Variants in TRAPPC12 observed in about 807,000 individuals in gnomAD.
TRAPPC12 encodes the protein trafficking protein particle complex subunit 12, also known as TPR repeat protein 15.
In TRAPPC12, 61 loss-of-function variants were observed where a neutral mutation model predicts 69.2. That is an observed-to-expected ratio of 0.88 (90% confidence interval 0.72 to 1.09). The LOEUF (loss-of-function observed/expected upper bound fraction) is 1.09. Ranked by LOEUF, TRAPPC12 falls within the 50% of genes least tolerant of loss-of-function variation. The pLI is 0.00. For missense variants in TRAPPC12, 1,101 were observed against 1,016.4 expected (o/e 1.08, Z -1.13); for synonymous variants, 469 against 438.9 (o/e 1.07, Z -0.86).
intron 2 of TRAPPC12, among the ~76,000 whole-genome samples, chr2:3,393,273 G>A (rs1199412300): frequency 2.7e-5 from 4 of 150,654 alleles, no homozygotes; most frequent in South Asian, 2.1e-4. Context: ...TGAATACCAC[G>A]TGATCTCATT....
chr2:3,438,656 C>A (rs1664026184), intron 5 of TRAPPC12, among the ~76,000 whole-genome samples: 1 of 151,962 alleles, frequency 6.6e-6, no homozygotes, highest in South Asian at 2.1e-4. Context: ...ATAGTTTCCC[C>A]TTTTCCAAAG....
At chr2:3,459,095 T>C (rs1665340687) in intron 7 of TRAPPC12, among the ~76,000 whole-genome samples, 1 of 152,250 alleles carries the variant, frequency 6.6e-6, no homozygotes, top group Non-Finnish European at 1.5e-5. Flanking sequence ...GTGATTGTTA[T>C]CTCACAGTGG....
At chr2:3,389,623 G>T in intron 2 of TRAPPC12, 1 of 470,142 alleles carries the variant, frequency 2.1e-6, no homozygotes, top group South Asian at 1.6e-5. Context: ...CTAAACGGGC[G>T]CATTAACAGA....
intron 5 of TRAPPC12, among the ~76,000 whole-genome samples, chr2:3,438,608 C>T (rs974051540): frequency 1.3e-4 from 19 of 151,160 alleles, no homozygotes; most frequent in African/African-American, 4.6e-4. Flanking sequence ...GTTAATCCCC[C>T]ATCACCCCTG....
intron 1 of TRAPPC12, among the ~76,000 whole-genome samples, chr2:3,381,718 A>G (rs1660219638): frequency 6.6e-6 from 1 of 152,236 alleles, no homozygotes; most frequent in Non-Finnish European, 1.5e-5. Flanking sequence ...CCAGTCTTCC[A>G]TTACCAGCAT....
Position 3,387,614 on chromosome 2 carries a change from T to G in TRAPPC12, c.-4-6T>G, listed in dbSNP as rs1048842567. 1 of 1,523,148 alleles carries G rather than the reference T, an allele frequency of 6.6e-7. No homozygotes were observed. Among genetic ancestry groups the G allele is most frequent in the Non-Finnish European group, 8.8e-7 (1 of 1,130,550 alleles). 94.4% of individuals were successfully genotyped at this position (1,523,148 alleles called of 1,614,324 possible). A position where few individuals can be genotyped will look rare whatever the true frequency, so the allele number is the denominator to read the frequency against. Reference sequence around the variant, plus strand: ...TCAGGGGCCTTCTCTCTGTCTTTGCTTTCAGGGTCATGGAGGACGCTGGCG... The same window carrying G: ...TCAGGGGCCTTCTCTCTGTCTTTGCGTTCAGGGTCATGGAGGACGCTGGCG... On this transcript the variant is annotated splice_region_variant and splice_polypyrimidine_tract_variant and intron_variant, in intron 1 of 11. Coordinates refer to ENST00000324266, the MANE Select transcript of TRAPPC12 (RefSeq NM_016030.6).
chr2:3,430,934 T>G (rs955626957), intron 5 of TRAPPC12, among the ~76,000 whole-genome samples: 7 of 151,624 alleles, frequency 4.6e-5, no homozygotes, highest in African/African-American at 1.7e-4. Flanking sequence ...GTGGAGGAGC[T>G]CTGCACACTG....
chr2:3,477,989 A>G, intron 10 of TRAPPC12, 194 bp downstream of exon 10: 1 of 445,150 alleles, frequency 2.2e-6, no homozygotes, highest in East Asian at 3.4e-5. Flanking sequence ...TTAGTCACAG[A>G]AGCTGATTTT....
intron 2 of TRAPPC12, among the ~76,000 whole-genome samples, chr2:3,396,239 G>GT (rs59004841): frequency 1.3e-3 from 189 of 147,076 alleles, no homozygotes; most frequent in South Asian, 5.6e-3. Context: ...AGGTTGACAG[G>GT]TTTTTTTTTT....
chr2:3,458,673 A>G (rs114207786), intron 7 of TRAPPC12, among the ~76,000 whole-genome samples: 3,258 of 152,314 alleles, frequency 0.021, 68 homozygotes, highest in Admixed American at 0.058. Flanking sequence ...CTGTCTGCTC[A>G]TGGATGTCCC....
chr2:3,424,701 T>C lies in TRAPPC12; in HGVS notation c.1417+38T>C, dbSNP rs780499937. The C allele has an allele frequency of 3.9e-6, 6 of 1,535,052 alleles. No homozygotes were observed. In the South Asian group the frequency reaches 6.5e-5, roughly 17 times the overall value. On this transcript the variant is annotated intron_variant, in intron 5 of 11. Transcript: ENST00000324266. The stretch of plus-strand genomic sequence containing the variant: ...TATTTAATATTTGTACATTTGTCTG[T>C]GTGTCGCTCTGGTTTGCTTTGATTT...
At position 3,478,874 on chromosome 2, in the gene TRAPPC12, T is replaced by G. The variant is rs752736129; in HGVS notation, c.1906T>G (p.Phe636Val). 2.5e-6 allele frequency: 4 copies of G among 1,614,128 alleles called. No homozygotes were observed. The East Asian group carries it at 8.9e-5, about 36-fold the overall frequency. ...GTTCCTTCACCTCGGGCAGAATAAC[T>G]TTGCAGAAGCCCACAGGTTCTTCAC... ...SAFLHLGQNN[F>V]AEAHRFFTEI... The change falls in exon 11 of 12, where the codon TTT (phenylalanine) becomes GTT (valine). Residue 636 changes from phenylalanine to valine, a missense_variant. Transcript: ENST00000324266.
chr2:3,472,487 G>C (rs538564727), intron 9 of TRAPPC12: 1 of 152,378 alleles, frequency 6.6e-6, no homozygotes, highest in South Asian at 2.1e-4. Flanking sequence ...CTGAGCCGTG[G>C]AGTGTGCTGG....
chr2:3,460,164 T>A, intron 7 of TRAPPC12, 99 bp from the exon 8 acceptor site: 1 of 809,804 alleles, frequency 1.2e-6, no homozygotes, highest in Non-Finnish European at 2.2e-6. Flanking sequence ...ACAAGAGGGA[T>A]CTTTTAAAGT....
At position 3,388,671 on chromosome 2, in the gene TRAPPC12, G is replaced by A; in HGVS notation, c.1047+1G>A. On this transcript the variant is annotated splice_donor_variant, in intron 2 of 11. Coordinates refer to ENST00000324266, the MANE Select transcript of TRAPPC12 (RefSeq NM_016030.6). LOFTEE classifies it high-confidence loss of function. ...GGGCCTCAGGTTCGACAACATCCAG[G>A]TGAGCCCGGGTCTCCCACCTCCGCA... The A allele has an allele frequency of 3.9e-6, 6 of 1,539,814 alleles. No homozygotes were observed. The highest frequency in any genetic ancestry group is 5.3e-6 in the Non-Finnish European group (6 of 1,139,640).
chr2:3,427,875 A>G (rs1663203291), intron 5 of TRAPPC12, among the ~76,000 whole-genome samples: 1 of 150,488 alleles, frequency 6.6e-6, no homozygotes, highest in Non-Finnish European at 1.5e-5. Context: ...CCTGAGCAAC[A>G]GAGTGAGACT....
rs947060282 is a variant in TRAPPC12 at position 3,415,417 on chromosome 2, T to C, written c.1165-6464T>C. Among the ~76,000 whole-genome samples the C allele has an allele frequency of 4.5e-4, 68 of 152,108 alleles. 1 individual carries two copies. Among genetic ancestry groups the C allele is most frequent in the Non-Finnish European group, 2.1e-4 (14 of 68,028 alleles). ...TTCACTTCTTTTCTTTTCTTTTCTTTTCTTTTGAGACAGAGTTTGGCTCTG... is the reference window on the plus strand; with the variant it reads ...TTCACTTCTTTTCTTTTCTTTTCTTCTCTTTTGAGACAGAGTTTGGCTCTG... On this transcript the variant is annotated intron_variant, in intron 3 of 11. Transcript: ENST00000324266.
At position 3,388,478 on chromosome 2, in the gene TRAPPC12, A is replaced by G. The variant is rs772472614; in HGVS notation, c.855A>G (p.Ala285=). 6 of 1,612,454 alleles carry G rather than the reference A, an allele frequency of 3.7e-6. No homozygotes were observed. The highest frequency in any genetic ancestry group is 2.5e-6 in the Non-Finnish European group (3 of 1,179,614). The change falls in exon 2 of 12, where the codon GCA becomes GCG. Residue 285 remains alanine (A), a synonymous_variant. Coordinates refer to ENST00000324266, the MANE Select transcript of TRAPPC12 (RefSeq NM_016030.6). Reference sequence around the variant, plus strand: ...CAGAGCCTTTCGCGCACATCCAGGCAGTGTTTGCAGGGAGTGACGACCCCT... The same window carrying G: ...CAGAGCCTTTCGCGCACATCCAGGCGGTGTTTGCAGGGAGTGACGACCCCT... ...ASPEPFAHIQ[A]VFAGSDDPFA...
chr2:3,465,290 C>T (rs1293427835), intron 8 of TRAPPC12, among the ~76,000 whole-genome samples: 9 of 152,206 alleles, frequency 5.9e-5, no homozygotes, highest in Non-Finnish European at 1.0e-4. Flanking sequence ...AAATATGAAT[C>T]GCTGTTTAGA....
Sources: allele counts gnomAD v4.1 joint callset (sites outside exome capture counted in the v4.1 genomes callset), GRCh38; gene constraint gnomAD v4.1.1; transcripts MANE v1.5; gene names NCBI Gene and HGNC (gene_info 2026-07-23, HGNC 2026-07-21).